NCKAP5: variants seen among roughly 807,000 people sequenced by gnomAD.
NCKAP5 encodes the protein NCK associated protein 5, also known as nck-associated protein 5.
Under a neutral mutation model 167.0 loss-of-function variants are expected in NCKAP5, and 92 were observed. The ratio of observed to expected loss-of-function variants is 0.55; its 90% CI spans 0.47 to 0.66. The LOEUF is 0.66. Among genes scored for constraint, NCKAP5 ranks in the 30% least tolerant of loss-of-function variants. The probability of loss-of-function intolerance (pLI) is 0.00; values close to 1 mark genes in which losing one functional copy is unlikely to be tolerated. For synonymous variants in NCKAP5, 891 were observed against 877.4 expected (o/e 1.02, Z -0.27); for missense variants, 2,378 against 2,315.0 (o/e 1.03, Z -0.56).
At chr2:132,826,985 C>T (rs1248435348) in intron 11 of NCKAP5, among the ~76,000 whole-genome samples, 1 of 152,100 alleles carries the variant, frequency 6.6e-6, no homozygotes, top group Non-Finnish European at 1.5e-5. Flanking sequence ...GGCAAACTGA[C>T]ACTCTAGGTA....
chr2:133,485,834 T>C (rs1421421020), intron 3 of NCKAP5, among the ~76,000 whole-genome samples: 1 of 152,190 alleles, frequency 6.6e-6, no homozygotes, highest in Non-Finnish European at 1.5e-5. Context: ...ACAAGCTGTT[T>C]CTTTACACTG....
At chr2:132,969,018 C>T (rs2076748110) in intron 7 of NCKAP5, among the ~76,000 whole-genome samples, 1 of 152,052 alleles carries the variant, frequency 6.6e-6, no homozygotes, top group Admixed American at 6.6e-5. Context: ...AATGCAGCTC[C>T]CTGTAAAATA....
intron 5 of NCKAP5, among the ~76,000 whole-genome samples, chr2:133,160,149 T>A (rs572821483): frequency 6.6e-6 from 1 of 152,168 alleles, no homozygotes; most frequent in African/African-American, 2.4e-5. Flanking sequence ...TATCTCACAG[T>A]CCTGGAGGCC....
intron 11 of NCKAP5, among the ~76,000 whole-genome samples, chr2:132,835,387 C>T (rs184392652): frequency 3.9e-5 from 6 of 152,192 alleles, no homozygotes; most frequent in East Asian, 1.9e-4. Context: ...GCCCTCTCAG[C>T]GTCTTCTGTG....
chr2:133,444,903 C>A (rs1388237637), intron 3 of NCKAP5, among the ~76,000 whole-genome samples: 1 of 152,112 alleles, frequency 6.6e-6, no homozygotes, highest in Non-Finnish European at 1.5e-5. Context: ...ACTGTCGCCT[C>A]CATGTGAAGA....
At chr2:133,278,288 A>G (rs1284578051) in intron 4 of NCKAP5, among the ~76,000 whole-genome samples, 1 of 152,222 alleles carries the variant, frequency 6.6e-6, no homozygotes, top group Non-Finnish European at 1.5e-5. Flanking sequence ...TGTAAACTGA[A>G]GATGTCAAGA....
chr2:132,870,391 A>T (rs1474165986), intron 9 of NCKAP5, among the ~76,000 whole-genome samples: 1 of 152,182 alleles, frequency 6.6e-6, no homozygotes, highest in Non-Finnish European at 1.5e-5. Context: ...GTGATAACTG[A>T]AATTGACAGC....
At chr2:133,569,959 A>C (rs1206081603), upstream of NCKAP5, among the ~76,000 whole-genome samples, 2 of 152,202 alleles carry the variant, frequency 1.3e-5, no homozygotes. Context: ...TGATCCCACA[A>C]ATACACTCAC....
intron 2 of NCKAP5, among the ~76,000 whole-genome samples, chr2:133,550,126 G>A (rs1360929857): frequency 6.8e-6 from 1 of 147,910 alleles, no homozygotes; most frequent in Non-Finnish European, 1.5e-5. Context: ...ACCAAAAAGA[G>A]TCCAGGACCA....
chr2:132,857,833 TG>T (rs2105523436), intron 11 of NCKAP5, among the ~76,000 whole-genome samples: 1 of 152,334 alleles, frequency 6.6e-6, no homozygotes, highest in East Asian at 1.9e-4. Context: ...TGGCTCCCTT[TG>T]TAAGTTTACC....
At position 133,093,712 on chromosome 2, in the gene NCKAP5, C is replaced by A. The variant is rs963466509; in HGVS notation, c.341+36266G>T. On this transcript the variant is annotated intron_variant, in intron 6 of 19. Coordinates refer to ENST00000409261, the MANE Select transcript of NCKAP5 (RefSeq NM_207363.3). ...TGGTCAGAGTGGACAGGACACATACCAATTACTGTTAGGGTTTGCAAAGAA... is the reference window on the plus strand; with the variant it reads ...TGGTCAGAGTGGACAGGACACATACAAATTACTGTTAGGGTTTGCAAAGAA... Among the ~76,000 whole-genome samples, 7 of 152,300 alleles carry A rather than the reference C, an allele frequency of 4.6e-5. No individual in the cohort carries two copies. In the South Asian group the frequency reaches 1.5e-3, roughly 32 times the overall value.
At chr2:132,727,361 T>C (rs1010975998) in intron 18 of NCKAP5, among the ~76,000 whole-genome samples, 17 of 152,236 alleles carry the variant, frequency 1.1e-4, no homozygotes, top group Non-Finnish European at 1.2e-4. Context: ...TTTCTCAATT[T>C]GCCAGTTTCC....
chr2:132,793,656 T>C (rs1020325236), intron 12 of NCKAP5, among the ~76,000 whole-genome samples: 7 of 152,208 alleles, frequency 4.6e-5, no homozygotes, highest in African/African-American at 1.7e-4. Context: ...GGTACCTCAC[T>C]GTCTGACATG....
chr2:133,424,241 A>T (rs1444102734), intron 3 of NCKAP5, among the ~76,000 whole-genome samples: 1 of 152,158 alleles, frequency 6.6e-6, no homozygotes, highest in Non-Finnish European at 1.5e-5. Context: ...GTCACAAAAG[A>T]GTCCTTCTCA....
intron 8 of NCKAP5, among the ~76,000 whole-genome samples, chr2:132,927,264 T>C (rs1898563): frequency 0.37 from 56,799 of 152,002 alleles, 14,713 homozygotes; most frequent in African/African-American, 0.71. Flanking sequence ...GTATTGGTTA[T>C]TATTGCCTCA....
chr2:133,531,756 A>G (rs536798567), intron 2 of NCKAP5, among the ~76,000 whole-genome samples: 1 of 152,310 alleles, frequency 6.6e-6, no homozygotes, highest in Non-Finnish European at 1.5e-5. Context: ...TTGAATCTCT[A>G]TAGTGCTTTA....
At chr2:133,135,745 A>G (rs1222256691) in intron 5 of NCKAP5, among the ~76,000 whole-genome samples, 2 of 152,172 alleles carry the variant, frequency 1.3e-5, no homozygotes, top group Non-Finnish European at 2.9e-5. Context: ...TTTCCTCTGC[A>G]TACTGGGGAC....
chr2:133,616,561 A>G, the NCKAP5 span, among the ~76,000 whole-genome samples: 1 of 152,172 alleles, frequency 6.6e-6, no homozygotes, highest in East Asian at 1.9e-4. Context: ...CAAGAAATGG[A>G]TAAATTCCTC....
chr2:133,103,015 C>T (rs924224870), intron 6 of NCKAP5, among the ~76,000 whole-genome samples: 9 of 152,164 alleles, frequency 5.9e-5, no homozygotes, highest in African/African-American at 2.2e-4. Context: ...TATTTTATCA[C>T]CTAGCATATC....
Sources: gnomAD v4.1 joint callset for allele counts (sites outside exome capture counted in the v4.1 genomes callset) on GRCh38, gnomAD v4.1.1 for gene constraint, MANE v1.5 for transcripts, NCBI Gene and HGNC (gene_info 2026-07-23, HGNC 2026-07-21) for gene names.